Variants in RPS6 observed in about 807,000 individuals in gnomAD.
RPS6 encodes ribosomal protein S6, also known as small ribosomal subunit protein eS6.
RPS6 carries 1 observed loss-of-function variant against 27.1 expected under a neutral mutation model. The ratio of observed to expected loss-of-function variants is 0.04; its 90% CI spans 0.01 to 0.18. The LOEUF (loss-of-function observed/expected upper bound fraction) is 0.18, where lower values mean the gene tolerates loss of function less well. RPS6 is among the 10% of genes least tolerant of loss of function. The probability of loss-of-function intolerance (pLI) is 1.00; values close to 1 mark genes in which losing one functional copy is unlikely to be tolerated. For missense variants in RPS6, 259 were observed against 319.1 expected (o/e 0.81, Z 1.44); for synonymous variants, 152 against 106.0 (o/e 1.43, Z -2.66).
rs1027493693 is a variant in RPS6, at chr9:19,379,002, C to G, written c.139-84G>C. On this transcript the variant is annotated intron_variant, in intron 2 of 5. Coordinates refer to ENST00000380394, the MANE Select transcript of RPS6 (RefSeq NM_001010.3). Reference sequence around the variant, plus strand: ...CAGGATTGTGACCTCTGTGAACACACCTATATGAGAAAGTATAATTATGAA... The same window carrying G: ...CAGGATTGTGACCTCTGTGAACACAGCTATATGAGAAAGTATAATTATGAA... 7.0e-5 allele frequency: 88 copies of G among 1,264,946 alleles called. No homozygotes were observed. The East Asian group carries it at 2.1e-3, about 30-fold the overall frequency. 78.4% of individuals were successfully genotyped at this position (1,264,946 alleles called of 1,614,324 possible).
intron 2 of RPS6, 163 bp from the exon 3 acceptor site, chr9:19,379,081 C>T (rs34303482): frequency 2.7e-5 from 22 of 813,244 alleles, no homozygotes; most frequent in Admixed American, 8.9e-5. Flanking sequence ...TGTCTATATT[C>T]CCAACTTGTC....
Position 19,379,322 on chromosome 9 carries a change from C to T in RPS6, c.138+165G>A, listed in dbSNP as rs151121104. The T allele has an allele frequency of 2.7e-6, 4 of 1,507,248 alleles. No individual in the cohort carries two copies. The African/African-American group carries it at 5.6e-5, about 21-fold the overall frequency. The allele number at this position is 1,507,248 out of a possible 1,614,324, so 93.4% of individuals were successfully genotyped here. ...TATATTTTATGGCTTACTCTACGTC[C>T]CCCCCTCCAAGGTAATACCTCTAAC... is the stretch of plus-strand genomic sequence containing the variant. On this transcript the variant is annotated intron_variant, in intron 2 of 5. Transcript: ENST00000380394.
At chr9:19,379,317 A>G (rs1240458819) in intron 2 of RPS6, 170 bp downstream of exon 2, 1 of 1,501,620 alleles carries the variant, frequency 6.7e-7, no homozygotes. Flanking sequence ...GGCTTACTCT[A>G]CGTCCCCCCC....
chr9:19,377,092 G>C (rs992561213), intron 4 of RPS6, among the ~76,000 whole-genome samples: 1 of 152,142 alleles, frequency 6.6e-6, no homozygotes, highest in African/African-American at 2.4e-5. Flanking sequence ...ATTAACATCA[G>C]ATTAGGTGGC....
At chr9:19,379,067 G>T in intron 2 of RPS6, 149 bp from the exon 3 acceptor site, 1 of 868,150 alleles carries the variant, frequency 1.2e-6, no homozygotes, top group Non-Finnish European at 1.7e-6. Flanking sequence ...TGTTCAGTGA[G>T]TTTTGTCTAT....
intron 2 of RPS6, 187 bp from the exon 3 acceptor site, chr9:19,379,105 AAATGTCTTTC>A (rs1829636962): frequency 3.9e-6 from 3 of 770,312 alleles, no homozygotes; most frequent in Non-Finnish European, 6.1e-6. Flanking sequence ...TTCAATTATC[AAATGTCTTTC>A]AAGTCGCATT....
intron 1 of RPS6, chr9:19,379,971 C>T (rs1829652367): frequency 2.1e-6 from 3 of 1,446,254 alleles, no homozygotes; most frequent in Admixed American, 5.5e-5. Flanking sequence ...CGCGGGGACG[C>T]CACCATGGCG....
chr9:19,376,339 G>T lies in RPS6; in HGVS notation c.704C>A (p.Ser235Tyr). 6.2e-7 allele frequency: 1 copy of T among 1,614,146 alleles called. No homozygotes were observed. The highest frequency in any genetic ancestry group is 8.5e-7 in the Non-Finnish European group (1 of 1,180,024). ...QEQIAKRRRL[S>Y]SLRASTSKSE... The stretch of plus-strand genomic sequence containing the variant: ...CTTAGAAGTAGAAGCTCGCAGAGAG[G>T]AAAGTCTGCGTCTCTTCGCAATTTG... Residue 235 changes from serine to tyrosine, a missense_variant, in exon 6 of 6, where the codon TCC (serine) becomes TAC (tyrosine). By Grantham distance (144) the Ser-to-Tyr change is moderately radical. Around this residue, in one of 3 missense-constraint regions of RPS6, gnomAD observed 191 missense variants for 231.6 expected, o/e 0.82. Transcript: ENST00000380394.
intron 1 of RPS6, 190 bp from the exon 2 acceptor site, chr9:19,379,808 G>A (rs1829649253): frequency 1.7e-5 from 25 of 1,433,646 alleles, no homozygotes; most frequent in Middle Eastern, 2.5e-4. Context: ...GCCGCACTCA[G>A]CAGGACGTTT....
In RPS6 at chr9:19,379,631, AG is replaced by A. The variant is rs1484459409; in HGVS notation, c.7-14del. On this transcript the variant is annotated splice_polypyrimidine_tract_variant and intron_variant, in intron 1 of 5. Coordinates refer to ENST00000380394, the MANE Select transcript of RPS6 (RefSeq NM_001010.3). ...AGGAGATGTTCAGCTAAGGATTAAA[AG>A]GGGGGAAATAGTTTACGAAACTATC... The A allele has an allele frequency of 3.7e-6, 6 of 1,609,764 alleles. No homozygotes were observed. The highest frequency in any genetic ancestry group is 2.7e-5 in the African/African-American group (2 of 74,706).
At chr9:19,380,134 C>G (rs1190131213) in intron 1 of RPS6, 56 bp downstream of exon 1, 6 of 1,614,030 alleles carry the variant, frequency 3.7e-6, no homozygotes, top group South Asian at 1.1e-5. Context: ...ATGCCGCGTT[C>G]TGGGACTCGA....
rs770031735 is a variant in RPS6 at position 19,379,396 on chromosome 9, A to T, written c.138+91T>A. The T allele has an allele frequency of 2.0e-5, 32 of 1,572,886 alleles. No homozygotes were observed. In the Admixed American group the frequency reaches 3.6e-4, roughly 18 times the overall value. ...AACTTACCAAAGGTCAGAAGCCAGAACCCGGAGTCTGAACCCCATTCCAAA... is the reference window on the plus strand; with the variant it reads ...AACTTACCAAAGGTCAGAAGCCAGATCCCGGAGTCTGAACCCCATTCCAAA... On this transcript the variant is annotated intron_variant, in intron 2 of 5. Transcript: ENST00000380394.
In RPS6 at chr9:19,376,110, G is replaced by A. The variant is rs1315075995; in HGVS notation, c.*183C>T. The A allele has an allele frequency of 6.9e-6, 4 of 580,188 alleles. No homozygotes were observed. The highest frequency in any genetic ancestry group is 6.0e-5 in the East Asian group (2 of 33,472). The allele number at this position is 580,188 out of a possible 1,614,324, so 35.9% of individuals were successfully genotyped here. On this transcript the variant is annotated 3_prime_UTR_variant, in exon 6 of 6. Coordinates refer to ENST00000380394, the MANE Select transcript of RPS6 (RefSeq NM_001010.3). Reference sequence around the variant, plus strand: ...CCCCTGAAAGGAACCCCTGTACACTGACCTTGTCTTCCACTACCACACACA... The same window carrying A: ...CCCCTGAAAGGAACCCCTGTACACTAACCTTGTCTTCCACTACCACACACA...
chr9:19,376,834 G>T, intron 4 of RPS6, 183 bp from the exon 5 acceptor site: 1 of 498,572 alleles, frequency 2.0e-6, no homozygotes, highest in Non-Finnish European at 3.4e-6. Context: ...CTAGAAGATT[G>T]GTTAAATATT....
intron 2 of RPS6, 143 bp downstream of exon 2, chr9:19,379,344 T>TA: frequency 6.5e-7 from 1 of 1,543,280 alleles, no homozygotes; most frequent in South Asian, 1.2e-5. Flanking sequence ...GTAATACCTC[T>TA]AACTTTATAA....
At position 19,378,985 on chromosome 9, in the gene RPS6, T is replaced by C. The variant is rs995130363; in HGVS notation, c.139-67A>G. The C allele has an allele frequency of 1.1e-5, 16 of 1,445,634 alleles. No individual in the cohort carries two copies. The African/African-American group carries it at 1.1e-4, about 10-fold the overall frequency. 89.6% of individuals were successfully genotyped at this position (1,445,634 alleles called of 1,614,324 possible). The stretch of plus-strand genomic sequence containing the variant: ...TCCAAAATTATACAGTACAGGATTG[T>C]GACCTCTGTGAACACACCTATATGA... On this transcript the variant is annotated intron_variant, in intron 2 of 5. Transcript: ENST00000380394.
At position 19,378,924 on chromosome 9, in the gene RPS6, A is replaced by G. The variant is rs775290177; in HGVS notation, c.139-6T>C. 22 of 1,613,560 alleles carry G rather than the reference A, an allele frequency of 1.4e-5. No homozygotes were observed. The highest frequency in any genetic ancestry group is 1.9e-5 in the Non-Finnish European group (22 of 1,179,622). Reference sequence around the variant, plus strand: ...CTGATTCGGACCACATAACCCTGCAAGAGCATACAATGAATGACACATTTA... The same window carrying G: ...CTGATTCGGACCACATAACCCTGCAGGAGCATACAATGAATGACACATTTA... On this transcript the variant is annotated splice_region_variant and splice_polypyrimidine_tract_variant and intron_variant, in intron 2 of 5. Coordinates refer to ENST00000380394, the MANE Select transcript of RPS6 (RefSeq NM_001010.3).
rs1301817488 is a variant in RPS6 at position 19,378,767 on chromosome 9, A to C, written c.290T>G (p.Val97Gly). 1 of 1,614,138 alleles carries C rather than the reference A, an allele frequency of 6.2e-7. No individual in the cohort carries two copies. Among genetic ancestry groups the C allele is most frequent in the East Asian group, 2.2e-5 (1 of 44,880 alleles). ...RRTGERKRKS[V>G]RGCIVDANLS... ...ATTTGCATCCACAATGCAACCACGAACTGATTTTCTCTTTCTTTCTCCAGT... is the reference window on the plus strand; with the variant it reads ...ATTTGCATCCACAATGCAACCACGACCTGATTTTCTCTTTCTTTCTCCAGT... Residue 97 changes from valine (V) to glycine (G), a missense_variant, in exon 3 of 6, where the codon GTT (valine) becomes GGT (glycine). By Grantham distance (109) the Val-to-Gly change is moderately radical. Transcript: ENST00000380394.
At position 19,376,370 on chromosome 9, in the gene RPS6, G is replaced by A. The variant is rs1829587701; in HGVS notation, c.673C>T (p.Gln225Ter). 1 of 1,613,950 alleles carries A rather than the reference G, an allele frequency of 6.2e-7. No homozygotes were observed. The highest frequency in any genetic ancestry group is 8.5e-7 in the Non-Finnish European group (1 of 1,180,022). The stretch of plus-strand genomic sequence containing the variant: ...CTGCGTCTCTTCGCAATTTGTTCCT[G>A]GCGCTTCTCCTTAGCCTCCTAAACA... ...KRMKEAKEKR[Q>*]EQIAKRRRLS... The change falls in exon 6 of 6, where the codon CAG becomes TAG. Residue 225 changes from glutamine (Q) to a stop codon, truncating the protein, a stop_gained. Coordinates refer to ENST00000380394, the MANE Select transcript of RPS6 (RefSeq NM_001010.3). LOFTEE classifies it high-confidence loss of function.
Sources: allele counts gnomAD v4.1 joint callset (sites outside exome capture counted in the v4.1 genomes callset), GRCh38; gene constraint gnomAD v4.1.1; regional missense constraint gnomAD v4.1.1; transcripts MANE v1.5; gene names NCBI Gene and HGNC (gene_info 2026-07-23, HGNC 2026-07-21).